The following SLC24A2 variants were observed in gnomAD, a reference collection of about 807,000 sequenced individuals.
SLC24A2 encodes the protein sodium/potassium/calcium exchanger 2.
Under a neutral mutation model 62.0 loss-of-function variants are expected in SLC24A2, and 36 were observed. That is an observed-to-expected ratio of 0.58 (90% CI 0.44 to 0.77). The LOEUF is 0.77. Ranked by LOEUF, SLC24A2 falls within the 30% of genes least tolerant of loss-of-function variation. The pLI, the probability that SLC24A2 is intolerant of heterozygous loss-of-function variation, is 0.00. For synonymous variants in SLC24A2, 358 were observed against 294.0 expected (o/e 1.22, Z -2.23); for missense variants, 846 against 817.9 (o/e 1.03, Z -0.42).
chr9:20,212,039 T>TATCGATAAAAGGTAAA, the SLC24A2 span, among the ~76,000 whole-genome samples: 3 of 151,704 alleles, frequency 2.0e-5, no homozygotes, highest in African/African-American at 7.3e-5. Context: ...TAAAATCAAA[T>TATCGATAAAAGGTAAA]ATCAATAAAT....
chr9:19,749,370 T>C (rs945685267), intron 2 of SLC24A2, among the ~76,000 whole-genome samples: 1 of 152,100 alleles, frequency 6.6e-6, no homozygotes, highest in Admixed American at 6.6e-5. Context: ...AAGGTATTTG[T>C]GTGTATGTTC....
chr9:19,634,383 G>A (rs1461491616), intron 2 of SLC24A2, among the ~76,000 whole-genome samples: 1 of 149,012 alleles, frequency 6.7e-6, no homozygotes, highest in Non-Finnish European at 1.5e-5. Context: ...CCACCTCCCG[G>A]TTTCAAGCAA....
chr9:19,941,237 C>A, the SLC24A2 span, among the ~76,000 whole-genome samples: 698 of 117,428 alleles, frequency 5.9e-3, 13 homozygotes, highest in African/African-American at 0.02. Context: ...GGAGTAGAGA[C>A]AAATAAAAAA....
At chr9:20,067,327 G>A in the SLC24A2 span, among the ~76,000 whole-genome samples, 8 of 152,198 alleles carry the variant, frequency 5.3e-5, no homozygotes, top group African/African-American at 1.9e-4. Flanking sequence ...CTAAAATAAA[G>A]TAAGGCCCTT....
At chr9:19,831,057 C>T in the SLC24A2 span, among the ~76,000 whole-genome samples, 4 of 152,144 alleles carry the variant, frequency 2.6e-5, no homozygotes, top group Non-Finnish European at 4.4e-5. Flanking sequence ...CAAAAGAATG[C>T]CTCCTTTAAC....
At chr9:20,245,880 T>G in the SLC24A2 span, among the ~76,000 whole-genome samples, 1 of 152,160 alleles carries the variant, frequency 6.6e-6, no homozygotes, top group African/African-American at 2.4e-5. Flanking sequence ...TACCCTATAA[T>G]TTAGGTACTA....
At chr9:20,218,673 T>C in the SLC24A2 span, among the ~76,000 whole-genome samples, 1 of 152,202 alleles carries the variant, frequency 6.6e-6, no homozygotes, top group Admixed American at 6.5e-5. Context: ...TTTATTCAAG[T>C]TCATACAGGA....
At chr9:19,584,620 G>T (rs932209309) in intron 5 of SLC24A2, among the ~76,000 whole-genome samples, 1 of 152,044 alleles carries the variant, frequency 6.6e-6, no homozygotes, top group Admixed American at 6.5e-5. Flanking sequence ...ATTCTTAAAA[G>T]CAAAAATTTT....
chr9:20,194,109 A>T, the SLC24A2 span, among the ~76,000 whole-genome samples: 1 of 152,070 alleles, frequency 6.6e-6, no homozygotes, highest in East Asian at 1.9e-4. Flanking sequence ...AAAAGTAAGC[A>T]CTCCTTCCAT....
chr9:19,596,657 G>C (rs1836709827), intron 5 of SLC24A2, among the ~76,000 whole-genome samples: 1 of 152,134 alleles, frequency 6.6e-6, no homozygotes, highest in Non-Finnish European at 1.5e-5. Context: ...CCCTCATGTA[G>C]ACAATGCTAC....
At chr9:20,217,361 G>T in the SLC24A2 span, among the ~76,000 whole-genome samples, 2 of 152,112 alleles carry the variant, frequency 1.3e-5, no homozygotes, top group Non-Finnish European at 2.9e-5. Context: ...TGGCACTTCT[G>T]GTGTCCAGGT....
chr9:19,789,467 G>C (rs867935794), upstream of SLC24A2, among the ~76,000 whole-genome samples: 3 of 152,250 alleles, frequency 2.0e-5, no homozygotes, highest in East Asian at 1.9e-4. Context: ...AGGACAGGCT[G>C]TTGGGGTCCA....
intron 2 of SLC24A2, among the ~76,000 whole-genome samples, chr9:19,636,311 T>C (rs1307172159): frequency 0.06 from 1,164 of 19,300 alleles, 37 homozygotes; most frequent in Middle Eastern, 0.1. Flanking sequence ...TTTCTTTTCT[T>C]TTCTTTTCTT....
the SLC24A2 span, among the ~76,000 whole-genome samples, chr9:20,226,705 G>C: frequency 6.6e-6 from 1 of 151,898 alleles, no homozygotes; most frequent in Non-Finnish European, 1.5e-5. Context: ...TTCCTGTCTC[G>C]TCATCTAGTG....
the SLC24A2 span, among the ~76,000 whole-genome samples, chr9:20,099,439 TTC>T: frequency 4.6e-5 from 7 of 152,222 alleles, no homozygotes; most frequent in African/African-American, 1.7e-4. Context: ...GTACTGACTT[TTC>T]TCTTTGTTCA....
chr9:19,859,519 G>A, the SLC24A2 span, among the ~76,000 whole-genome samples: 1,095 of 152,184 alleles, frequency 7.2e-3, 8 homozygotes, highest in Non-Finnish European at 9.8e-3. Context: ...AATAAAAGAT[G>A]AGGGGTAGAG....
the SLC24A2 span, among the ~76,000 whole-genome samples, chr9:20,113,689 T>C: frequency 6.6e-6 from 1 of 152,188 alleles, no homozygotes; most frequent in African/African-American, 2.4e-5. Flanking sequence ...TGCATACATA[T>C]GTGTATCCAT....
the SLC24A2 span, among the ~76,000 whole-genome samples, chr9:19,892,742 A>G: frequency 6.6e-6 from 1 of 150,966 alleles, no homozygotes; most frequent in Non-Finnish European, 1.5e-5. Flanking sequence ...TTGTTTTTGT[A>G]TTTACGCATG....
intron 2 of SLC24A2, among the ~76,000 whole-genome samples, chr9:19,757,365 G>T (rs915447441): frequency 6.6e-6 from 1 of 152,116 alleles, no homozygotes; most frequent in Non-Finnish European, 1.5e-5. Context: ...AAATTTCACT[G>T]ATTCATAAAG....
Sources: allele counts gnomAD v4.1 joint callset (sites outside exome capture counted in the v4.1 genomes callset), GRCh38; gene constraint gnomAD v4.1.1; transcripts MANE v1.5; gene names NCBI Gene and HGNC (gene_info 2026-07-23, HGNC 2026-07-21).